Variants in MAG observed in about 807,000 individuals in gnomAD.
MAG encodes the protein myelin-associated glycoprotein.
Under a neutral mutation model 60.7 loss-of-function variants are expected in MAG, and 30 were observed. The observed-to-expected ratio is 0.49, with a 90% confidence interval of 0.37 to 0.67. The LOEUF (loss-of-function observed/expected upper bound fraction) is 0.67, where lower values mean the gene tolerates loss of function less well. Among genes scored for constraint, MAG ranks in the 30% least tolerant of loss-of-function variants. The pLI is 0.00. For missense variants in MAG, 795 were observed against 851.7 expected, an observed-to-expected ratio of 0.93 and a Z score of 0.83; for synonymous variants, 384 against 376.8, an observed-to-expected ratio of 1.02 and a Z score of -0.22.
intron 8 of MAG, among the ~76,000 whole-genome samples, 188 bp from the exon 9 acceptor site, chr19:35,310,359 C>T (rs1007201201): frequency 6.6e-6 from 1 of 152,246 alleles, no homozygotes; most frequent in Non-Finnish European, 1.5e-5. Flanking sequence ...GGCATGAGCC[C>T]CTCCCCAGGG....
intron 7 of MAG, among the ~76,000 whole-genome samples, chr19:35,304,221 T>C (rs1167159925): frequency 4.6e-5 from 7 of 152,304 alleles, no homozygotes; most frequent in African/African-American, 1.7e-4. Flanking sequence ...GCGGGGCTGA[T>C]GTGATCCTGG....
intron 5 of MAG, 110 bp from the exon 6 acceptor site, chr19:35,300,037 A>C: frequency 7.5e-7 from 1 of 1,339,530 alleles, no homozygotes; most frequent in Non-Finnish European, 9.7e-7. Context: ...GGGCGGGGCC[A>C]AGGCTGAGGG....
chr19:35,311,969 C>T lies in MAG; in HGVS notation c.1668C>T (p.Val556=), dbSNP rs2066530911. 1 of 1,613,574 alleles carries T rather than the reference C, an allele frequency of 6.2e-7. No individual in the cohort carries two copies. Among genetic ancestry groups the T allele is most frequent in the South Asian group, 1.1e-5 (1 of 90,974 alleles). ...TCTCGGCAGGGGACAACCCTCCCGT[C>T]CTGTTCAGCAGCGACTTCCGCATCT... ...PSFSAGDNPP[V]LFSSDFRISG... is the part of the protein sequence containing the mutation. Residue 556 remains valine, a synonymous_variant, in exon 10 of 11, where the codon GTC becomes GTT. Transcript: ENST00000392213.
chr19:35,310,249 A>T (rs754685228), intron 8 of MAG, 88 bp downstream of exon 8: 2 of 1,442,312 alleles, frequency 1.4e-6, no homozygotes, highest in African/African-American at 1.4e-5. Context: ...ACAGCCACAG[A>T]GCATGGGCTA....
At chr19:35,307,814 G>C (rs1015275581) in intron 7 of MAG, among the ~76,000 whole-genome samples, 3 of 152,220 alleles carry the variant, frequency 2.0e-5, no homozygotes, top group African/African-American at 7.2e-5. Flanking sequence ...ACTTTGGGTG[G>C]AGGGTGGTGT....
At chr19:35,312,541 GA>G in intron 10 of MAG, 2 of 488,252 alleles carry the variant, frequency 4.1e-6, no homozygotes, top group East Asian at 4.0e-5. Flanking sequence ...CTAGGGGGTG[GA>G]GGGAGGGGTG....
In MAG at chr19:35,310,553, T is replaced by G. The variant is rs983008757; in HGVS notation, c.1526T>G (p.Leu509Arg). 1 of 1,614,064 alleles carries G rather than the reference T, an allele frequency of 6.2e-7. No individual in the cohort carries two copies. Among genetic ancestry groups the G allele is most frequent in the African/African-American group, 1.3e-5 (1 of 74,952 alleles). ...LELPFQGAHR[L>R]MWAKIGPVGA... Reference sequence around the variant, plus strand: ...GGGTCTTTTCTGTCCTCAGATCGACTGATGTGGGCCAAGATCGGGCCTGTG... The same window carrying G: ...GGGTCTTTTCTGTCCTCAGATCGACGGATGTGGGCCAAGATCGGGCCTGTG... Residue 509 changes from leucine to arginine, a missense_variant, in exon 9 of 11, where the codon CTG becomes CGG. By Grantham distance (102) the Leu-to-Arg change is moderately radical. Transcript: ENST00000392213.
In MAG at chr19:35,295,262, T is replaced by C. The variant is rs1156345150; in HGVS notation, c.-23-124T>C. 1.5e-5 allele frequency: 12 copies of C among 801,874 alleles called. No individual in the cohort carries two copies. The highest frequency in any genetic ancestry group is 1.7e-5 in the African/African-American group (1 of 58,262). The allele number at this position is 801,874 out of a possible 1,614,324, so 49.7% of individuals were successfully genotyped here. ...ACCCTGTCTCAGAAAAATAAGTAAA[T>C]AAATGCATAAATAAATAATAATAGC... is the stretch of plus-strand genomic sequence containing the variant. On this transcript the variant is annotated intron_variant, in intron 2 of 10. Transcript: ENST00000392213. This position sits in a 1 kb window ranked among gnomAD's most constrained non-coding sequence, Gnocchi z 5.8.
In MAG at chr19:35,300,367, T is replaced by C. The variant is rs1278624599; in HGVS notation, c.933T>C (p.Tyr311=). ...GVYACLAENA[Y]GQDNRTVGLS... ...ATGCCTGCCTGGCCGAGAATGCCTA[T>C]GGCCAGGACAACCGCACCGTGGGGC... The change falls in exon 6 of 11, where the codon TAT becomes TAC. Residue 311 remains tyrosine (Y), a synonymous_variant. Transcript: ENST00000392213. The C allele has an allele frequency of 1.9e-6, 3 of 1,592,130 alleles. No individual in the cohort carries two copies. The highest frequency in any genetic ancestry group is 2.6e-6 in the Non-Finnish European group (3 of 1,174,456).
Position 35,295,295 on chromosome 19 carries a change from G to GCAC in MAG, c.-23-90_-23-89insACC. 1 of 932,618 alleles carries GCAC rather than the reference G, an allele frequency of 1.1e-6. No homozygotes were observed. The highest frequency in any genetic ancestry group is 1.7e-6 in the Non-Finnish European group (1 of 600,548). 57.8% of individuals were successfully genotyped at this position (932,618 alleles called of 1,614,324 possible). On this transcript the variant is annotated intron_variant, in intron 2 of 10. Coordinates refer to ENST00000392213, the MANE Select transcript of MAG (RefSeq NM_002361.4). This position sits in a 1 kb window ranked among gnomAD's most constrained non-coding sequence, Gnocchi z 5.8. The stretch of plus-strand genomic sequence containing the variant: ...TAAATAAATAATAATAGCAGCAGCA[G>GCAC]CTAACATATGAATGGGCCCCTTCCT...
intron 2 of MAG, among the ~76,000 whole-genome samples, chr19:35,294,879 C>T (rs1157661508): frequency 6.6e-6 from 1 of 152,178 alleles, no homozygotes; most frequent in African/African-American, 2.4e-5. Flanking sequence ...ATTGAAGCTG[C>T]AGTTGAGTGA....
At chr19:35,303,188 T>C (rs2066461401) in intron 7 of MAG, among the ~76,000 whole-genome samples, 1 of 152,172 alleles carries the variant, frequency 6.6e-6, no homozygotes, top group African/African-American at 2.4e-5. Context: ...TCTCCCAAAG[T>C]CCTAGGATTA....
chr19:35,307,275 C>T (rs1024787198), intron 7 of MAG, among the ~76,000 whole-genome samples: 3 of 152,084 alleles, frequency 2.0e-5, no homozygotes, highest in African/African-American at 4.8e-5. Context: ...CCATTCCTGC[C>T]GTGAATCCGT....
In MAG at chr19:35,300,905, G is replaced by T. The variant is rs577893710; in HGVS notation, c.970+501G>T. On this transcript the variant is annotated intron_variant, in intron 6 of 10. Coordinates refer to ENST00000392213, the MANE Select transcript of MAG (RefSeq NM_002361.4). ...CCACCACACTCCAGGCTAATTTTCA[G>T]ATTTTTTTTGTAAAGGTGGGATTTT... Among the ~76,000 whole-genome samples the T allele has an allele frequency of 4.6e-5, 7 of 152,144 alleles. No individual in the cohort carries two copies. In the South Asian group the frequency reaches 1.0e-3, roughly 23 times the overall value.
At chr19:35,294,394 C>G in intron 2 of MAG, 104 bp downstream of exon 2, 1 of 399,236 alleles carries the variant, frequency 2.5e-6, no homozygotes, top group South Asian at 1.8e-5. Context: ...AGGGGCATCA[C>G]GGTGACAAAG....
intron 4 of MAG, 30 bp downstream of exon 4, chr19:35,296,011 G>T: frequency 6.5e-7 from 1 of 1,532,068 alleles, no homozygotes. Context: ...GCAGGCACCG[G>T]GAGCTGGGGC....
intron 6 of MAG, among the ~76,000 whole-genome samples, chr19:35,301,178 G>C (rs1332731022): frequency 6.6e-6 from 1 of 152,066 alleles, no homozygotes; most frequent in African/African-American, 2.4e-5. Flanking sequence ...CCAGGAATCT[G>C]CATTTTTAAA....
intron 6 of MAG, 137 bp downstream of exon 6, chr19:35,300,541 G>A (rs927287737): frequency 4.5e-6 from 5 of 1,108,002 alleles, no homozygotes; most frequent in East Asian, 5.5e-5. Context: ...TAGACAGGGG[G>A]GTTGCAAGTC....
intron 6 of MAG, among the ~76,000 whole-genome samples, chr19:35,302,189 G>C (rs1409887941): frequency 6.6e-6 from 1 of 152,182 alleles, no homozygotes; most frequent in Non-Finnish European, 1.5e-5. Context: ...TTCCAGATGA[G>C]AAAAATGAGG....
Sources: allele counts gnomAD v4.1 joint callset (sites outside exome capture counted in the v4.1 genomes callset), GRCh38; gene constraint gnomAD v4.1.1; non-coding constraint Gnocchi (gnomAD v3.1); transcripts MANE v1.5; gene names NCBI Gene and HGNC (gene_info 2026-07-23, HGNC 2026-07-21).